DNMBP: variants seen among roughly 807,000 people sequenced by gnomAD.
The protein encoded by DNMBP is dynamin-binding protein.
DNMBP carries 87 observed loss-of-function variants against 150.0 expected under a neutral mutation model. The ratio of observed to expected loss-of-function variants is 0.58; its 90% CI spans 0.49 to 0.69. The LOEUF is 0.69. Ranked by LOEUF, DNMBP falls within the 30% of genes least tolerant of loss-of-function variation. DNMBP has a pLI of 0.00. For missense variants in DNMBP, 1,774 were observed against 1,949.0 expected (o/e 0.91, Z 1.69); for synonymous variants, 711 against 750.4 (o/e 0.95, Z 0.86).
At chr10:99,901,858 C>T (rs1400334872) in intron 6 of DNMBP, among the ~76,000 whole-genome samples, 1 of 152,170 alleles carries the variant, frequency 6.6e-6, no homozygotes, top group Non-Finnish European at 1.5e-5. Context: ...CACCTCTGTT[C>T]TCTCACTGTT....
chr10:99,949,692 G>A (rs1042010607), intron 4 of DNMBP, among the ~76,000 whole-genome samples: 7 of 152,062 alleles, frequency 4.6e-5, no homozygotes, highest in African/African-American at 1.7e-4. Context: ...TCCCGAAATA[G>A]ACTACACCCA....
intron 1 of DNMBP, among the ~76,000 whole-genome samples, chr10:99,997,118 C>A (rs1313676062): frequency 6.6e-6 from 1 of 152,202 alleles, no homozygotes; most frequent in African/African-American, 2.4e-5. Flanking sequence ...TCTTCCCTGA[C>A]CCTCTAGGGA....
rs1554863107 is a variant in DNMBP, at chr10:99,915,108, AAT to A, written c.2261-5964_2261-5963del. 1.6e-3 allele frequency among the ~76,000 whole-genome samples: 155 copies of A among 99,792 alleles called. 4 individuals carry two copies. The highest frequency in any genetic ancestry group is 8.3e-3 in the Middle Eastern group (1 of 120). The allele number at this position is 99,792 out of a possible 152,430, so 65.5% of individuals were successfully genotyped here. On this transcript the variant is annotated intron_variant, in intron 4 of 16. Transcript: ENST00000324109. ...AAACTCTGTCTCAAAAAAAAAAAAA[AAT>A]ATATATATATATATATATACACACA...
intron 4 of DNMBP, among the ~76,000 whole-genome samples, chr10:99,947,532 T>C (rs1277185313): frequency 1.5e-5 from 2 of 135,240 alleles, no homozygotes; most frequent in East Asian, 4.3e-4. Flanking sequence ...GACATAAAGA[T>C]AGGAACAACA....
chr10:99,909,183 T>C (rs1157531603), intron 4 of DNMBP, 37 bp from the exon 5 acceptor site: 3 of 1,560,334 alleles, frequency 1.9e-6, no homozygotes, highest in Non-Finnish European at 2.6e-6. Flanking sequence ...CAGCTCTGGG[T>C]GTAAAAGCAG....
At chr10:99,950,672 G>C (rs2040411019) in intron 4 of DNMBP, among the ~76,000 whole-genome samples, 1 of 152,204 alleles carries the variant, frequency 6.6e-6, no homozygotes, top group South Asian at 2.1e-4. Context: ...CTCTTCCCTA[G>C]AGATTTGTGG....
At chr10:99,894,863 C>A in intron 11 of DNMBP, 83 bp downstream of exon 11, 1 of 1,079,668 alleles carries the variant, frequency 9.3e-7, no homozygotes, top group Admixed American at 2.1e-5. Context: ...ACTCAGCATT[C>A]ATTAAACAAT....
chr10:99,993,433 T>A (rs1020358007), intron 1 of DNMBP, among the ~76,000 whole-genome samples: 2 of 152,228 alleles, frequency 1.3e-5, no homozygotes, highest in African/African-American at 4.8e-5. Flanking sequence ...GTGAATTTTA[T>A]GGTATGTGAA....
At chr10:99,972,308 C>G (rs983199066) in intron 1 of DNMBP, among the ~76,000 whole-genome samples, 174 bp from the exon 2 acceptor site, 1 of 151,544 alleles carries the variant, frequency 6.6e-6, no homozygotes, top group African/African-American at 2.4e-5. Flanking sequence ...TCACTCCCAT[C>G]GCCCAGGCTG....
At chr10:99,907,647 T>C (rs1051054272) in intron 6 of DNMBP, among the ~76,000 whole-genome samples, 1 of 152,116 alleles carries the variant, frequency 6.6e-6, no homozygotes, top group Admixed American at 6.5e-5. Context: ...CCTCTTGCCA[T>C]GGCCTCCCAA....
intron 1 of DNMBP, among the ~76,000 whole-genome samples, chr10:99,990,637 CA>C (rs2040875395): frequency 6.8e-6 from 1 of 146,566 alleles, no homozygotes; most frequent in Non-Finnish European, 1.5e-5. Flanking sequence ...ACAAGAAAGA[CA>C]GTGTGTGTAT....
rs772247779 is a variant in DNMBP, at chr10:99,956,397, A to G, written c.1077T>C (p.Ser359=). The G allele has an allele frequency of 6.2e-7, 1 of 1,613,846 alleles. No individual in the cohort carries two copies. The highest frequency in any genetic ancestry group is 1.3e-5 in the African/African-American group (1 of 74,930). ...PDCIISEAPT[S]PLGHLTSEYD... is the part of the protein sequence containing the mutation. ...ACTCTGAAGTCAGATGACCGAGGGGAGAAGTGGGTGCTTCAGAAATAATGC... is the reference window on the plus strand; with the variant it reads ...ACTCTGAAGTCAGATGACCGAGGGGGGAAGTGGGTGCTTCAGAAATAATGC... The change falls in exon 4 of 17, where the codon TCT becomes TCC. Residue 359 remains serine (S), a synonymous_variant. Coordinates refer to ENST00000324109, the MANE Select transcript of DNMBP (RefSeq NM_015221.4).
In DNMBP at chr10:99,934,797, AG is replaced by A. The variant is rs1437943240; in HGVS notation, c.2260+20416del. 1.9e-4 allele frequency among the ~76,000 whole-genome samples: 24 copies of A among 127,882 alleles called. 1 individual carries two copies. The highest frequency in any genetic ancestry group is 6.9e-4 in the African/African-American group (23 of 33,280). 83.9% of individuals were successfully genotyped at this position (127,882 alleles called of 152,430 possible). A position where few individuals can be genotyped will look rare whatever the true frequency, so the allele number is the denominator to read the frequency against. ...GAATTGGACCAGGGTCGTAGCATAG[AG>A]CAATTAGTAGAAGGAAGAGGCCGGG... On this transcript the variant is annotated intron_variant, in intron 4 of 16. Coordinates refer to ENST00000324109, the MANE Select transcript of DNMBP (RefSeq NM_015221.4).
chr10:99,911,023 T>G (rs543543282), intron 4 of DNMBP, among the ~76,000 whole-genome samples: 28 of 152,074 alleles, frequency 1.8e-4, no homozygotes, highest in African/African-American at 6.5e-4. Context: ...GTAGATCACT[T>G]GAGCTTGGAG....
intron 4 of DNMBP, among the ~76,000 whole-genome samples, chr10:99,931,985 C>A (rs1047983033): frequency 6.6e-6 from 1 of 152,122 alleles, no homozygotes; most frequent in African/African-American, 2.4e-5. Flanking sequence ...GGATATAATA[C>A]GTGGAAAATA....
At chr10:99,902,435 G>A (rs1015982843) in intron 6 of DNMBP, among the ~76,000 whole-genome samples, 2 of 145,732 alleles carry the variant, frequency 1.4e-5, no homozygotes, top group African/African-American at 5.1e-5. Flanking sequence ...TCAGTCTCCT[G>A]AGTAGCTGGG....
At chr10:99,980,001 C>T (rs1050113580) in intron 1 of DNMBP, among the ~76,000 whole-genome samples, 2 of 152,234 alleles carry the variant, frequency 1.3e-5, no homozygotes, top group Admixed American at 1.3e-4. Flanking sequence ...ACCTCTCCTG[C>T]TCAGGTCCAC....
chr10:99,937,256 G>A (rs2040244095), intron 4 of DNMBP, among the ~76,000 whole-genome samples: 1 of 151,910 alleles, frequency 6.6e-6, no homozygotes, highest in African/African-American at 2.4e-5. Flanking sequence ...CACTTGTTCT[G>A]GTCCCTTGTA....
Position 99,876,034 on chromosome 10 carries a change from A to C in DNMBP, c.*1117T>G, listed in dbSNP as rs531854562. The C allele has an allele frequency of 6.6e-6, 1 of 152,334 alleles. No homozygotes were observed. The highest frequency in any genetic ancestry group is 6.5e-5 in the Admixed American group (1 of 15,298). The allele number at this position is 152,334 out of a possible 1,614,324, so 9.4% of individuals were successfully genotyped here. ...GGAATGGCTTATCCCAATTCAAGTAAGTCACAGGTGTTATGTTGTCTGCAT... is the reference window on the plus strand; with the variant it reads ...GGAATGGCTTATCCCAATTCAAGTACGTCACAGGTGTTATGTTGTCTGCAT... On this transcript the variant is annotated 3_prime_UTR_variant, in exon 17 of 17. Transcript: ENST00000324109.
Sources: gnomAD v4.1 joint callset for allele counts (sites outside exome capture counted in the v4.1 genomes callset) on GRCh38, gnomAD v4.1.1 for gene constraint, MANE v1.5 for transcripts, NCBI Gene and HGNC (gene_info 2026-07-23, HGNC 2026-07-21) for gene names.